NCOA6: variants seen among roughly 807,000 people sequenced by gnomAD.
NCOA6 encodes the protein NRC RAP250.
Under a neutral mutation model 171.4 loss-of-function variants are expected in NCOA6, and 49 were observed. The ratio of observed to expected loss-of-function variants is 0.29; its 90% CI spans 0.23 to 0.36. The LOEUF is 0.36. NCOA6 is among the 10% of genes least tolerant of loss of function. The pLI is 1.00. For synonymous variants in NCOA6, 910 were observed against 927.5 expected, an observed-to-expected ratio of 0.98 and a Z score of 0.34; for missense variants, 2,248 against 2,554.5, an observed-to-expected ratio of 0.88 and a Z score of 2.59.
At chr20:34,764,009 ATTT>A (rs11471838) in intron 5 of NCOA6, among the ~76,000 whole-genome samples, 11 of 107,220 alleles carry the variant, frequency 1.0e-4, no homozygotes, top group Non-Finnish European at 1.4e-4. Context: ...CACCTTTGAC[ATTT>A]TTTTTTTTTT....
chr20:34,741,545 C>G lies in NCOA6; in HGVS notation c.4711G>C (p.Val1571Leu), dbSNP rs748647591. The change falls in exon 11 of 15, where the codon GTT (valine) becomes CTT (leucine). Residue 1571 changes from valine (V) to leucine (L), a missense_variant. Around this residue, in one of 7 missense-constraint regions of NCOA6, gnomAD observed 884 missense variants for 941.9 expected, o/e 0.94. Transcript: ENST00000359003. ...HPELSEVSSN[V>L]APSIPPVMSR... ...ATTACTGGAGGGATGCTTGGTGCAA[C>G]GTTAGAACTGACCTCACTCAATTCG... 2.1e-5 allele frequency: 34 copies of G among 1,613,978 alleles called. No individual in the cohort carries two copies. The Admixed American group carries it at 5.5e-4, about 26-fold the overall frequency.
At chr20:34,777,041 C>T (rs1004829189) in intron 3 of NCOA6, among the ~76,000 whole-genome samples, 9 of 141,370 alleles carry the variant, frequency 6.4e-5, no homozygotes, top group East Asian at 2.4e-4. Flanking sequence ...TGCTTGAACC[C>T]GGGAGGCAGA....
At chr20:34,745,911 GTAT>G (rs1157025762) in intron 10 of NCOA6, among the ~76,000 whole-genome samples, 1 of 152,146 alleles carries the variant, frequency 6.6e-6, no homozygotes, top group East Asian at 1.9e-4. Flanking sequence ...TTAAAGGATA[GTAT>G]TATTTTATAA....
At chr20:34,770,427 T>C (rs1345476873) in intron 4 of NCOA6, among the ~76,000 whole-genome samples, 2 of 152,144 alleles carry the variant, frequency 1.3e-5, no homozygotes, top group East Asian at 1.9e-4. Flanking sequence ...CCAGATGCTA[T>C]AGCTTGCCTC....
chr20:34,816,626 C>T (rs992132484), intron 1 of NCOA6, among the ~76,000 whole-genome samples: 4 of 151,944 alleles, frequency 2.6e-5, no homozygotes, highest in Admixed American at 2.0e-4. Context: ...TCTCAAACTC[C>T]TGAACTCAAG....
intron 3 of NCOA6, among the ~76,000 whole-genome samples, chr20:34,780,142 G>T (rs964649112): frequency 6.6e-6 from 1 of 152,190 alleles, no homozygotes; most frequent in African/African-American, 2.4e-5. Flanking sequence ...TTCCCACTCT[G>T]AAGTATGTTG....
At chr20:34,771,775 C>G (rs183238877) in intron 4 of NCOA6, among the ~76,000 whole-genome samples, 3 of 152,322 alleles carry the variant, frequency 2.0e-5, no homozygotes, top group African/African-American at 7.2e-5. Context: ...CTTCGCATAG[C>G]TAGCTTCTCA....
At chr20:34,758,703 G>T in intron 6 of NCOA6, 102 bp downstream of exon 6, 1 of 1,442,640 alleles carries the variant, frequency 6.9e-7, no homozygotes, top group Non-Finnish European at 9.5e-7. Context: ...TTGACATTGT[G>T]AGTTTGGAAA....
intron 5 of NCOA6, among the ~76,000 whole-genome samples, chr20:34,762,760 G>C (rs1385484181): frequency 6.6e-6 from 1 of 151,980 alleles, no homozygotes; most frequent in Admixed American, 6.6e-5. Context: ...TTCCATCTTA[G>C]GTTCAATTTT....
At chr20:34,755,015 TGG>T in intron 7 of NCOA6, 147 bp from the exon 8 acceptor site, 1 of 733,828 alleles carries the variant, frequency 1.4e-6, no homozygotes, top group Middle Eastern at 4.1e-4. Context: ...ATAATAAGGT[TGG>T]GAAAGATGGT....
In NCOA6 at chr20:34,809,007, A is replaced by C. The variant is rs534916917; in HGVS notation, c.-163-16444T>G. Among the ~76,000 whole-genome samples the C allele has an allele frequency of 4.6e-5, 7 of 152,336 alleles. No homozygotes were observed. In the South Asian group the frequency reaches 1.0e-3, roughly 23 times the overall value. ...CTATATACACCTGCCCTTCTCTGAG[A>C]TCGTAAGGTAGCCTTGATTTCCCCC... On this transcript the variant is annotated intron_variant, in intron 1 of 14. Transcript: ENST00000359003.
intron 1 of NCOA6, among the ~76,000 whole-genome samples, chr20:34,818,750 C>CTTGG (rs2078917812): frequency 6.6e-6 from 1 of 152,206 alleles, no homozygotes; most frequent in Non-Finnish European, 1.5e-5. Context: ...GCATAGAAAC[C>CTTGG]TTGGCTAGAT....
intron 7 of NCOA6, 53 bp downstream of exon 7, chr20:34,757,167 T>C (rs1600875056): frequency 1.3e-6 from 2 of 1,487,074 alleles, no homozygotes; most frequent in East Asian, 4.6e-5. Flanking sequence ...GAAGTTCTAC[T>C]AAGATCTAGC....
intron 1 of NCOA6, among the ~76,000 whole-genome samples, chr20:34,814,129 G>C (rs1450689845): frequency 6.6e-6 from 1 of 152,140 alleles, no homozygotes; most frequent in Non-Finnish European, 1.5e-5. Flanking sequence ...AGGAGTTCGA[G>C]ACCAGCCTGG....
chr20:34,716,902 T>C (rs1263982265), intron 14 of NCOA6, among the ~76,000 whole-genome samples: 1 of 152,212 alleles, frequency 6.6e-6, no homozygotes, highest in African/African-American at 2.4e-5. Flanking sequence ...CTGGTTTTAA[T>C]ATGAAAATAA....
chr20:34,776,090 C>T (rs1180365383), intron 4 of NCOA6, among the ~76,000 whole-genome samples: 1 of 152,242 alleles, frequency 6.6e-6, no homozygotes, highest in Non-Finnish European at 1.5e-5. Context: ...GCTACAGATG[C>T]TAAAGACCAT....
At chr20:34,763,130 T>C (rs1335991699) in intron 5 of NCOA6, among the ~76,000 whole-genome samples, 1 of 152,238 alleles carries the variant, frequency 6.6e-6, no homozygotes, top group Non-Finnish European at 1.5e-5. Context: ...ACTGGGCTTC[T>C]GAATCTGAGG....
intron 1 of NCOA6, among the ~76,000 whole-genome samples, chr20:34,812,310 T>A (rs1357613616): frequency 1.3e-5 from 2 of 151,144 alleles, no homozygotes; most frequent in African/African-American, 4.9e-5. Flanking sequence ...GATCTGGGGC[T>A]CCCAAGGGAA....
chr20:34,720,845 A>T (rs1329305987), intron 14 of NCOA6, among the ~76,000 whole-genome samples: 3 of 152,196 alleles, frequency 2.0e-5, no homozygotes, highest in Non-Finnish European at 2.9e-5. Context: ...CAATCACAGT[A>T]AATTATTTTA....
Sources: allele counts gnomAD v4.1 joint callset (sites outside exome capture counted in the v4.1 genomes callset), GRCh38; gene constraint gnomAD v4.1.1; regional missense constraint gnomAD v4.1.1; transcripts MANE v1.5; gene names NCBI Gene and HGNC (gene_info 2026-07-23, HGNC 2026-07-21).